Variants in FAP observed in about 807,000 individuals in gnomAD.
FAP encodes the protein prolyl endopeptidase FAP.
A neutral mutation model predicts 126.5 loss-of-function variants in FAP; 110 were observed. The observed-to-expected ratio is 0.87, with a 90% CI of 0.74 to 1.02. The LOEUF (loss-of-function observed/expected upper bound fraction) is 1.02, where lower values mean the gene tolerates loss of function less well. FAP is among the 50% of genes least tolerant of loss of function. The pLI, the probability that FAP is intolerant of heterozygous loss-of-function variation, is 0.00. For missense variants in FAP, 919 were observed against 909.2 expected (o/e 1.01, Z -0.14); for synonymous variants, 334 against 297.3 (o/e 1.12, Z -1.27).
chr2:162,178,778 C>T (rs867436996), intron 21 of FAP, among the ~76,000 whole-genome samples: 1 of 152,150 alleles, frequency 6.6e-6, no homozygotes, highest in South Asian at 2.1e-4. Context: ...GATGTATTTC[C>T]CAAACTCCTA....
chr2:162,199,009 T>A, intron 15 of FAP, 128 bp from the exon 16 acceptor site: 1 of 754,966 alleles, frequency 1.3e-6, no homozygotes, highest in East Asian at 2.7e-5. Flanking sequence ...GTTGCCAATA[T>A]CATTTAAAGT....
At chr2:162,214,295 A>T (rs1576176346) in intron 10 of FAP, among the ~76,000 whole-genome samples, 1 of 152,176 alleles carries the variant, frequency 6.6e-6, no homozygotes, top group African/African-American at 2.4e-5. Flanking sequence ...AAATCATTTC[A>T]TATGTGAGTT....
chr2:162,194,745 G>T lies in FAP; in HGVS notation c.1406C>A (p.Pro469Gln). 1 of 1,613,500 alleles carries T rather than the reference G, an allele frequency of 6.2e-7. No individual in the cohort carries two copies. The highest frequency in any genetic ancestry group is 1.7e-4 in the Middle Eastern group (1 of 6,060). Residue 469 changes from proline to glutamine, a missense_variant, in exon 17 of 26, where the codon CCA becomes CAA. Transcript: ENST00000188790. ...AKYYALVCYG[P>Q]GIPISTLHDG... ...ATGAAGGGTGGAAATGGGGATGCCT[G>T]GGCCTGTGGGCAGGATGAAAACAAA...
At chr2:162,241,472 TA>T (rs1263636358) in intron 2 of FAP, among the ~76,000 whole-genome samples, 8 of 152,336 alleles carry the variant, frequency 5.3e-5, no homozygotes, top group Admixed American at 2.6e-4. Context: ...TTGAATTCCA[TA>T]GTGAAATTCA....
At chr2:162,221,336 C>T (rs1689386973) in intron 6 of FAP, among the ~76,000 whole-genome samples, 1 of 152,064 alleles carries the variant, frequency 6.6e-6, no homozygotes, top group Admixed American at 6.5e-5. Flanking sequence ...TCGAGACCAG[C>T]CTGGCCAATA....
chr2:162,238,921 C>T (rs1462302147), intron 2 of FAP, among the ~76,000 whole-genome samples: 1 of 152,132 alleles, frequency 6.6e-6, no homozygotes, highest in African/African-American at 2.4e-5. Context: ...GATCTCTGTG[C>T]TATACAAATT....
intron 17 of FAP, among the ~76,000 whole-genome samples, chr2:162,190,021 A>G (rs992495653): frequency 1.3e-5 from 2 of 151,788 alleles, no homozygotes; most frequent in Admixed American, 1.3e-4. Context: ...AGGAGCAACA[A>G]TGTTTATTCA....
intron 21 of FAP, 61 bp downstream of exon 21, chr2:162,183,339 CCTTCTAAACGAACA>C: frequency 9.1e-7 from 1 of 1,095,404 alleles, no homozygotes; most frequent in African/African-American, 1.6e-5. Context: ...TCATGAGAAA[CCTTCTAAACGAACA>C]CTTCAGAAAA....
chr2:162,183,707 G>A (rs534575453), intron 20 of FAP: 51 of 370,308 alleles, frequency 1.4e-4, no homozygotes, highest in East Asian at 1.3e-3. Context: ...ATGTCAGAGC[G>A]GTATAAGGCC....
At chr2:162,171,551 T>C (rs1272033095) in intron 25 of FAP, 1 of 160,688 alleles carries the variant, frequency 6.2e-6, no homozygotes, top group Non-Finnish European at 1.4e-5. Flanking sequence ...TATTCATATA[T>C]AGCCATAAAC....
At chr2:162,209,827 T>C in intron 12 of FAP, 125 bp downstream of exon 12, 2 of 785,652 alleles carry the variant, frequency 2.5e-6, no homozygotes, top group Non-Finnish European at 4.3e-6. Context: ...CTATGTGTTT[T>C]ATACCTTGCT....
chr2:162,184,546 CA>C (rs1687800751), intron 20 of FAP, among the ~76,000 whole-genome samples: 1 of 152,180 alleles, frequency 6.6e-6, no homozygotes, highest in African/African-American at 2.4e-5. Context: ...ATGCCCGGGA[CA>C]AACAGATGGG....
chr2:162,172,921 A>C, intron 24 of FAP, 37 bp from the exon 25 acceptor site: 1 of 1,509,346 alleles, frequency 6.6e-7, no homozygotes, highest in East Asian at 2.3e-5. Flanking sequence ...GTGCTGCTAA[A>C]TACCAGAAAG....
At chr2:162,236,903 T>C (rs1458819491) in intron 2 of FAP, among the ~76,000 whole-genome samples, 2 of 152,196 alleles carry the variant, frequency 1.3e-5, no homozygotes, top group African/African-American at 4.8e-5. Flanking sequence ...GTTATCTGTT[T>C]TCTTTTTTAA....
intron 17 of FAP, among the ~76,000 whole-genome samples, chr2:162,192,662 A>T (rs1438329764): frequency 1.3e-5 from 2 of 152,128 alleles, no homozygotes; most frequent in Admixed American, 6.6e-5. Context: ...ATCCAGATCC[A>T]AAATGATGTC....
intron 19 of FAP, among the ~76,000 whole-genome samples, chr2:162,188,580 C>T (rs1339256499): frequency 6.6e-6 from 1 of 151,992 alleles, no homozygotes; most frequent in African/African-American, 2.4e-5. Flanking sequence ...TTCCCCAAAA[C>T]GGATACATCT....
At chr2:162,221,809 G>A (rs939777147) in intron 6 of FAP, 3 of 449,150 alleles carry the variant, frequency 6.7e-6, no homozygotes, top group Non-Finnish European at 1.3e-5. Context: ...CTTGAAACCA[G>A]TAGTTTTGTT....
At chr2:162,242,635 T>C (rs1690398625) in intron 2 of FAP, among the ~76,000 whole-genome samples, 1 of 152,136 alleles carries the variant, frequency 6.6e-6, no homozygotes, top group African/African-American at 2.4e-5. Context: ...ATTTAGCATA[T>C]ATTTTTGGGG....
intron 21 of FAP, chr2:162,175,233 TAGAC>T (rs1687444447): frequency 9.5e-6 from 2 of 211,052 alleles, no homozygotes. Flanking sequence ...GTTTAAGAGA[TAGAC>T]AGAATTTCAA....
Sources: allele counts gnomAD v4.1 joint callset (sites outside exome capture counted in the v4.1 genomes callset), GRCh38; gene constraint gnomAD v4.1.1; transcripts MANE v1.5; gene names NCBI Gene and HGNC (gene_info 2026-07-23, HGNC 2026-07-21).